Variants in MAN1A2 observed in about 807,000 individuals in gnomAD.
The protein encoded by MAN1A2 is mannosyl-oligosaccharide 1,2-alpha-mannosidase IB.
In MAN1A2, 26 loss-of-function variants were observed where a neutral mutation model predicts 75.7. The ratio of observed to expected loss-of-function variants is 0.34; its 90% CI spans 0.25 to 0.48. MAN1A2 has a LOEUF of 0.48. Ranked by LOEUF, MAN1A2 falls within the 20% of genes least tolerant of loss-of-function variation. MAN1A2 has a pLI of 0.99. For missense variants in MAN1A2, 562 were observed against 775.5 expected (o/e 0.72, Z 3.27); for synonymous variants, 247 against 264.6 (o/e 0.93, Z 0.65).
rs1001111701 is a variant in MAN1A2 at position 117,524,426 on chromosome 1, C to T, written c.*1469C>T. 1.3e-5 allele frequency: 2 copies of T among 151,670 alleles called. No individual in the cohort carries two copies. The highest frequency in any genetic ancestry group is 4.8e-5 in the African/African-American group (2 of 41,364). The allele number at this position is 151,670 out of a possible 1,614,324, so 9.4% of individuals were successfully genotyped here. On this transcript the variant is annotated 3_prime_UTR_variant, in exon 13 of 13. Coordinates refer to ENST00000356554, the MANE Select transcript of MAN1A2 (RefSeq NM_006699.5). Reference sequence around the variant, plus strand: ...TGCTCTTTTCATTTAATATAGGCATCTTCCATTGACATTAATAAAACTTAG... The same window carrying T: ...TGCTCTTTTCATTTAATATAGGCATTTTCCATTGACATTAATAAAACTTAG...
intron 10 of MAN1A2, among the ~76,000 whole-genome samples, chr1:117,497,748 G>A (rs1651074901): frequency 6.6e-6 from 1 of 151,758 alleles, no homozygotes; most frequent in Admixed American, 6.6e-5. Context: ...GTAATGAAAA[G>A]GGGGCTGAAA....
intron 5 of MAN1A2, among the ~76,000 whole-genome samples, chr1:117,441,037 A>G (rs1358169920): frequency 6.6e-6 from 1 of 152,208 alleles, no homozygotes; most frequent in Non-Finnish European, 1.5e-5. Context: ...ATGTTAAAGT[A>G]GATATTGAAG....
chr1:117,420,290 C>T (rs1288565658), intron 4 of MAN1A2, among the ~76,000 whole-genome samples: 1 of 151,928 alleles, frequency 6.6e-6, no homozygotes, highest in Non-Finnish European at 1.5e-5. Context: ...TAATAGTTAA[C>T]AGTGTTAAAT....
At chr1:117,388,963 A>G (rs1006943855) in intron 1 of MAN1A2, among the ~76,000 whole-genome samples, 1 of 152,176 alleles carries the variant, frequency 6.6e-6, no homozygotes, top group Non-Finnish European at 1.5e-5. Flanking sequence ...ATCCTGGTGT[A>G]TCAGTGCTGT....
chr1:117,388,274 T>C (rs2101735939), intron 1 of MAN1A2, among the ~76,000 whole-genome samples: 1 of 152,244 alleles, frequency 6.6e-6, no homozygotes, highest in East Asian at 1.9e-4. Context: ...TTATCTATAA[T>C]AACAAGGAGT....
At position 117,458,531 on chromosome 1, in the gene MAN1A2, T is replaced by A. The variant is rs1366888936; in HGVS notation, c.951-1958T>A. Reference sequence around the variant, plus strand: ...TATATAGATATATATATATTTTTTTTTTTTTTTTTGAGACAGAGTTTCGCT... The same window carrying A: ...TATATAGATATATATATATTTTTTTATTTTTTTTTGAGACAGAGTTTCGCT... On this transcript the variant is annotated intron_variant, in intron 6 of 12. Coordinates refer to ENST00000356554, the MANE Select transcript of MAN1A2 (RefSeq NM_006699.5). 4.3e-4 allele frequency among the ~76,000 whole-genome samples: 50 copies of A among 117,018 alleles called. 1 individual carries two copies. Among genetic ancestry groups the A allele is most frequent in the African/African-American group, 8.3e-4 (26 of 31,442 alleles). The allele number at this position is 117,018 out of a possible 152,430, so 76.8% of individuals were successfully genotyped here. A position where few individuals can be genotyped will look rare whatever the true frequency, so the allele number is the denominator to read the frequency against.
intron 5 of MAN1A2, among the ~76,000 whole-genome samples, chr1:117,421,059 G>C (rs1269804718): frequency 6.6e-6 from 1 of 151,988 alleles, no homozygotes; most frequent in Non-Finnish European, 1.5e-5. Flanking sequence ...ATTGAATCCA[G>C]TTTTTGGCTA....
chr1:117,458,588 A>G (rs1424012095), intron 6 of MAN1A2, among the ~76,000 whole-genome samples: 1 of 147,216 alleles, frequency 6.8e-6, no homozygotes. Context: ...CAATGGCGCA[A>G]TCTTGGCTCA....
intron 1 of MAN1A2, among the ~76,000 whole-genome samples, chr1:117,383,366 A>C (rs972824760): frequency 2.0e-5 from 3 of 152,136 alleles, no homozygotes; most frequent in African/African-American, 7.2e-5. Context: ...TCAGTTTGCT[A>C]GTATTTTGAG....
intron 5 of MAN1A2, among the ~76,000 whole-genome samples, chr1:117,424,837 A>G (rs1173584592): frequency 1.3e-5 from 2 of 152,100 alleles, no homozygotes; most frequent in Non-Finnish European, 2.9e-5. Flanking sequence ...CTTGGGTCTC[A>G]TCTTTTCCCC....
intron 5 of MAN1A2, among the ~76,000 whole-genome samples, 191 bp downstream of exon 5, chr1:117,420,840 T>C (rs1460937774): frequency 6.6e-6 from 1 of 152,050 alleles, no homozygotes; most frequent in East Asian, 1.9e-4. Context: ...CAATAAAACA[T>C]GAATTCATCA....
intron 5 of MAN1A2, among the ~76,000 whole-genome samples, chr1:117,429,491 C>CT (rs1648509607): frequency 8.7e-6 from 1 of 114,888 alleles, no homozygotes; most frequent in Non-Finnish European, 2.0e-5. Context: ...GGCCGACACC[C>CT]CCACCTCCCT....
chr1:117,502,441 G>A (rs1651230955), intron 11 of MAN1A2, among the ~76,000 whole-genome samples: 1 of 151,578 alleles, frequency 6.6e-6, no homozygotes, highest in South Asian at 2.1e-4. Context: ...ATATTTTTTA[G>A]CATGTTGTGG....
intron 1 of MAN1A2, among the ~76,000 whole-genome samples, chr1:117,388,398 C>T (rs1167435727): frequency 6.6e-6 from 1 of 151,948 alleles, no homozygotes; most frequent in Non-Finnish European, 1.5e-5. Context: ...AAAGAAATAC[C>T]CGAGACTGGG....
chr1:117,384,293 A>C (rs529977697), intron 1 of MAN1A2, among the ~76,000 whole-genome samples: 1 of 152,256 alleles, frequency 6.6e-6, no homozygotes, highest in East Asian at 1.9e-4. Flanking sequence ...GCTGCATCCC[A>C]TAAGTTTTGG....
chr1:117,380,871 G>A (rs527290967), intron 1 of MAN1A2, among the ~76,000 whole-genome samples: 1 of 152,224 alleles, frequency 6.6e-6, no homozygotes, highest in South Asian at 2.1e-4. Flanking sequence ...TTATGAATCT[G>A]AATATTGGCT....
intron 5 of MAN1A2, among the ~76,000 whole-genome samples, chr1:117,430,319 A>C (rs1305601295): frequency 2.6e-5 from 3 of 115,674 alleles, no homozygotes; most frequent in Non-Finnish European, 3.7e-5. Flanking sequence ...GACCCCCCCC[A>C]CCTCCCTCCC....
chr1:117,455,164 A>G (rs1239982155), intron 6 of MAN1A2, among the ~76,000 whole-genome samples: 5 of 152,168 alleles, frequency 3.3e-5, no homozygotes, highest in Non-Finnish European at 5.9e-5. Flanking sequence ...ATGGAATACC[A>G]TTTAGCCATA....
intron 6 of MAN1A2, among the ~76,000 whole-genome samples, chr1:117,453,430 T>G (rs978766117): frequency 1.3e-5 from 2 of 152,188 alleles, no homozygotes; most frequent in African/African-American, 4.8e-5. Flanking sequence ...AACAGGAGTT[T>G]GGAAGAATTT....
Sources: gnomAD v4.1 joint callset for allele counts (sites outside exome capture counted in the v4.1 genomes callset) on GRCh38, gnomAD v4.1.1 for gene constraint, MANE v1.5 for transcripts, NCBI Gene and HGNC (gene_info 2026-07-23, HGNC 2026-07-21) for gene names.